Variants in SH3RF2 observed in about 807,000 individuals in gnomAD.
The protein encoded by SH3RF2 is E3 ubiquitin-protein ligase SH3RF2.
In SH3RF2, 43 loss-of-function variants were observed where a neutral mutation model predicts 59.0. The ratio of observed to expected loss-of-function variants is 0.73; its 90% CI spans 0.57 to 0.94. SH3RF2 has a LOEUF of 0.94. SH3RF2 is among the 40% of genes least tolerant of loss of function. The pLI, the probability that SH3RF2 is intolerant of heterozygous loss-of-function variation, is 0.00. For synonymous variants in SH3RF2, 391 were observed against 391.5 expected (o/e 1.00, Z 0.01); for missense variants, 930 against 940.1 (o/e 0.99, Z 0.14).
intron 5 of SH3RF2, among the ~76,000 whole-genome samples, chr5:146,031,328 T>C (rs1442110915): frequency 3.3e-5 from 5 of 152,202 alleles, no homozygotes; most frequent in African/African-American, 9.7e-5. Flanking sequence ...CATGAAGAGA[T>C]GGTTAGTAAA....
intron 7 of SH3RF2, among the ~76,000 whole-genome samples, chr5:146,053,381 G>A (rs914590574): frequency 4.0e-5 from 6 of 151,800 alleles, no homozygotes; most frequent in Admixed American, 3.3e-4. Flanking sequence ...CTTTAATAGC[G>A]GCAACATCCC....
chr5:145,965,470 A>G (rs988511791), intron 2 of SH3RF2, among the ~76,000 whole-genome samples: 1 of 152,134 alleles, frequency 6.6e-6, no homozygotes, highest in Non-Finnish European at 1.5e-5. Context: ...ATCTAGAGCC[A>G]TCATTGTTTT....
Position 146,062,931 on chromosome 5 carries a change from C to G in SH3RF2, c.*230C>G, listed in dbSNP as rs1459205043. ...CATAATGATTTGATGCCACAAAGCTCGCTTACTCAGACCAAGGAGTGAAAA... is the reference window on the plus strand; with the variant it reads ...CATAATGATTTGATGCCACAAAGCTGGCTTACTCAGACCAAGGAGTGAAAA... On this transcript the variant is annotated 3_prime_UTR_variant, in exon 10 of 10. Transcript: ENST00000359120. 1.7e-6 allele frequency: 1 copy of G among 604,680 alleles called. No homozygotes were observed. Among genetic ancestry groups the G allele is most frequent in the African/African-American group, 1.9e-5 (1 of 53,866 alleles). 37.5% of individuals were successfully genotyped at this position (604,680 alleles called of 1,614,324 possible).
intron 7 of SH3RF2, chr5:146,055,756 C>T (rs375747174): frequency 1.7e-6 from 1 of 578,572 alleles, no homozygotes. Context: ...TATGAGCCCC[C>T]CTTCCTTCCC....
intron 5 of SH3RF2, among the ~76,000 whole-genome samples, chr5:146,022,174 T>G (rs1761345681): frequency 6.6e-6 from 1 of 152,210 alleles, no homozygotes; most frequent in Admixed American, 6.5e-5. Context: ...ATTTCAGATA[T>G]ATCTCCTTTC....
intron 5 of SH3RF2, among the ~76,000 whole-genome samples, chr5:146,046,961 T>C (rs959220403): frequency 3.9e-5 from 6 of 152,150 alleles, no homozygotes; most frequent in African/African-American, 1.4e-4. Flanking sequence ...TCTTACTATG[T>C]TTCCCAGGCT....
intron 4 of SH3RF2, among the ~76,000 whole-genome samples, chr5:146,005,841 C>T (rs200644160): frequency 1.4e-4 from 17 of 119,054 alleles, no homozygotes; most frequent in African/African-American, 5.7e-4. Context: ...TAACACAGAA[C>T]AAGCACTCTG....
chr5:146,050,062 A>G (rs1277747082), intron 7 of SH3RF2: 1 of 152,228 alleles, frequency 6.6e-6, no homozygotes, highest in Non-Finnish European at 1.5e-5. Flanking sequence ...AGACCTAGTC[A>G]TATGCCCACT....
intron 2 of SH3RF2, among the ~76,000 whole-genome samples, chr5:145,986,278 G>T (rs564836789): frequency 3.3e-5 from 5 of 152,162 alleles, no homozygotes; most frequent in African/African-American, 1.2e-4. Context: ...GGAGAAAGCC[G>T]GGGTAGAGCA....
chr5:146,018,365 G>A (rs1761184372), intron 5 of SH3RF2, among the ~76,000 whole-genome samples: 1 of 152,046 alleles, frequency 6.6e-6, no homozygotes. Context: ...TTCCATTCCT[G>A]AGTTATTTCA....
At chr5:146,045,581 G>C (rs866829178) in intron 5 of SH3RF2, among the ~76,000 whole-genome samples, 1 of 152,168 alleles carries the variant, frequency 6.6e-6, no homozygotes, top group Non-Finnish European at 1.5e-5. Flanking sequence ...CAACTAATAT[G>C]TGGTCTTTTG....
At chr5:146,015,239 C>T (rs998620784) in intron 5 of SH3RF2, among the ~76,000 whole-genome samples, 2 of 152,164 alleles carry the variant, frequency 1.3e-5, no homozygotes, top group Admixed American at 1.3e-4. Context: ...CACTTCATAT[C>T]TTATACCACT....
chr5:145,959,135 G>T (rs1758527582), intron 2 of SH3RF2, among the ~76,000 whole-genome samples: 1 of 152,136 alleles, frequency 6.6e-6, no homozygotes, highest in Non-Finnish European at 1.5e-5. Context: ...CATGGAATTG[G>T]CAGCAAGTAC....
chr5:146,007,563 T>C (rs549402641), intron 4 of SH3RF2, among the ~76,000 whole-genome samples: 7 of 152,308 alleles, frequency 4.6e-5, no homozygotes, highest in African/African-American at 1.7e-4. Context: ...TTGCCTGGTC[T>C]CCTGCATTAT....
At chr5:145,955,884 A>G (rs1758389992) in intron 2 of SH3RF2, among the ~76,000 whole-genome samples, 1 of 152,236 alleles carries the variant, frequency 6.6e-6, no homozygotes, top group African/African-American at 2.4e-5. Context: ...GGGGAGATCA[A>G]GGAAGCTGTA....
chr5:146,057,192 C>T (rs564029093), intron 8 of SH3RF2, among the ~76,000 whole-genome samples: 60 of 152,324 alleles, frequency 3.9e-4, no homozygotes, highest in African/African-American at 1.4e-3. Context: ...CAATATGCCC[C>T]TTTTTAAGGA....
At chr5:145,952,639 T>C (rs116165074) in intron 2 of SH3RF2, among the ~76,000 whole-genome samples, 3,534 of 152,304 alleles carry the variant, frequency 0.023, 124 homozygotes, top group African/African-American at 0.08. Context: ...GTGTAATGTA[T>C]ACTCTAATGG....
At position 146,076,482 on chromosome 5, in the gene SH3RF2, C is replaced by T. The variant is rs1009233764; in HGVS notation, c.*34-1978C>T. Among the ~76,000 whole-genome samples the T allele has an allele frequency of 3.9e-5, 6 of 152,156 alleles. No individual in the cohort carries two copies. In the East Asian group the frequency reaches 1.2e-3, roughly 29 times the overall value. On this transcript the variant is annotated intron_variant, in intron 9 of 9. Coordinates refer to the SH3RF2 transcript ENST00000511217. ...AATTGGTAAATAACAAAATGAACCC[C>T]CCGCCCATGTTCAGTGGTATGTAGT... is the stretch of plus-strand genomic sequence containing the variant.
intron 9 of SH3RF2, among the ~76,000 whole-genome samples, chr5:146,071,588 A>G (rs976468163): frequency 3.9e-5 from 6 of 152,234 alleles, no homozygotes; most frequent in African/African-American, 9.6e-5. Context: ...ACAGAGAACT[A>G]AAAGCATCAG....
Sources: gnomAD v4.1 joint callset for allele counts (sites outside exome capture counted in the v4.1 genomes callset) on GRCh38, gnomAD v4.1.1 for gene constraint, MANE v1.5 for transcripts, NCBI Gene and HGNC (gene_info 2026-07-23, HGNC 2026-07-21) for gene names.